The following RAP1GAP2 variants were observed in gnomAD, a reference collection of about 807,000 sequenced individuals.
The protein encoded by RAP1GAP2 is RAP1 GTPase activating protein 2.
In RAP1GAP2, 27 loss-of-function variants were observed where a neutral mutation model predicts 95.0. That is an observed-to-expected ratio of 0.28 (90% CI 0.21 to 0.39). The LOEUF (loss-of-function observed/expected upper bound fraction) is 0.39. Ranked by LOEUF, RAP1GAP2 falls within the 10% of genes least tolerant of loss-of-function variation. RAP1GAP2 has a pLI of 1.00. For missense variants in RAP1GAP2, 771 were observed against 970.0 expected (o/e 0.79, Z 2.72); for synonymous variants, 373 against 380.9 (o/e 0.98, Z 0.24).
At chr17:2,794,407 C>A (rs573599365), upstream of RAP1GAP2, among the ~76,000 whole-genome samples, 22 of 152,328 alleles carry the variant, frequency 1.4e-4, no homozygotes, top group African/African-American at 5.1e-4. Context: ...ACCTGTTGAG[C>A]ACTTCCTGGG....
intron 2 of RAP1GAP2, among the ~76,000 whole-genome samples, chr17:2,893,102 A>C (rs561782297): frequency 6.6e-6 from 1 of 151,450 alleles, no homozygotes; most frequent in African/African-American, 2.4e-5. Flanking sequence ...ATCTTGGCTC[A>C]CTGCAACCTC....
intron 2 of RAP1GAP2, among the ~76,000 whole-genome samples, chr17:2,811,255 A>G (rs2049186027): frequency 6.6e-6 from 1 of 152,158 alleles, no homozygotes; most frequent in African/African-American, 2.4e-5. Context: ...AGCCCCATGG[A>G]CACGAGGATG....
intron 1 of RAP1GAP2, among the ~76,000 whole-genome samples, chr17:2,761,813 G>C (rs1444596640): frequency 6.6e-6 from 1 of 151,918 alleles, no homozygotes; most frequent in Non-Finnish European, 1.5e-5. Flanking sequence ...GTGTACGAAG[G>C]TTCCGGTTTT....
At chr17:3,025,847 G>A (rs2047092160) in intron 19 of RAP1GAP2, among the ~76,000 whole-genome samples, 161 bp from the exon 20 acceptor site, 1 of 152,206 alleles carries the variant, frequency 6.6e-6, no homozygotes, top group Non-Finnish European at 1.5e-5. Context: ...CCATCTCTGG[G>A]GGGCTCAGGT....
chr17:2,888,228 A>G (rs1256514849), intron 2 of RAP1GAP2, among the ~76,000 whole-genome samples: 2 of 152,210 alleles, frequency 1.3e-5, no homozygotes, highest in Non-Finnish European at 2.9e-5. Flanking sequence ...AAATCAAGGT[A>G]ATTAGCATAT....
chr17:3,030,966 T>G lies in RAP1GAP2; in HGVS notation c.2152T>G (p.Phe718Val), dbSNP rs2047271176. ...NSPRSNLKFR[F>V]DKLSHASSGA... ...CCCGAGATCGAACCTGAAATTCCGC[T>G]TTGACAAGCTCAGCCATGCCAGCTC... Residue 718 changes from phenylalanine (F) to valine (V), a missense_variant, in exon 23 of 25, where the codon TTT becomes GTT. Coordinates refer to ENST00000254695, the MANE Select transcript of RAP1GAP2 (RefSeq NM_015085.5). 6.2e-7 allele frequency: 1 copy of G among 1,610,820 alleles called. No homozygotes were observed. The highest frequency in any genetic ancestry group is 8.5e-7 in the Non-Finnish European group (1 of 1,178,766).
intron 1 of RAP1GAP2, among the ~76,000 whole-genome samples, chr17:2,763,699 A>AT (rs2068226145): frequency 6.6e-6 from 1 of 151,726 alleles, no homozygotes. Flanking sequence ...CTGTCTCAAA[A>AT]CAAAAAAAGA....
Position 3,002,092 on chromosome 17 carries a change from AG to A in RAP1GAP2, c.1201-3275del, listed in dbSNP as rs569644318. ...ATTCTCCTGCCTCAGCCTCCTGAGT[AG>A]GTGGGATTACAGGCACCCACCACCA... On this transcript the variant is annotated intron_variant, in intron 14 of 24. Transcript: ENST00000254695. 1.6e-3 allele frequency among the ~76,000 whole-genome samples: 249 copies of A among 151,776 alleles called. 1 individual carries two copies. Among genetic ancestry groups the A allele is most frequent in the African/African-American group, 5.9e-3 (242 of 41,360 alleles).
At chr17:2,793,340 G>A (rs2068979031), upstream of RAP1GAP2, among the ~76,000 whole-genome samples, 1 of 152,170 alleles carries the variant, frequency 6.6e-6, no homozygotes, top group Non-Finnish European at 1.5e-5. Context: ...TTTTAGTAAA[G>A]ACAGGGTTTC....
chr17:2,861,866 G>A (rs1250746126), intron 2 of RAP1GAP2, among the ~76,000 whole-genome samples: 2 of 152,132 alleles, frequency 1.3e-5, no homozygotes, highest in Admixed American at 6.6e-5. Flanking sequence ...ATGTTGGCCA[G>A]GCTGCTCTCG....
In RAP1GAP2 at chr17:2,871,256, A is replaced by G. The variant is rs912056437; in HGVS notation, c.81-34028A>G. On this transcript the variant is annotated intron_variant, in intron 2 of 24. Transcript: ENST00000254695. This position sits in a 1 kb window ranked among gnomAD's most constrained non-coding sequence, Gnocchi z 5.0. Reference sequence around the variant, plus strand: ...CAGGCATGAGCCACTGCGCCCAGCCAAGGGCTAAACATTTTAATGGCTGAA... The same window carrying G: ...CAGGCATGAGCCACTGCGCCCAGCCGAGGGCTAAACATTTTAATGGCTGAA... Among the ~76,000 whole-genome samples the G allele has an allele frequency of 6.6e-6, 1 of 152,188 alleles. No individual in the cohort carries two copies. The highest frequency in any genetic ancestry group is 6.6e-5 in the Admixed American group (1 of 15,264).
rs374919958 is a variant in RAP1GAP2 at position 2,963,533 on chromosome 17, C to T, written c.279+71C>T. ...GGTCCCGTCCCTGGGGAAATGATGG[C>T]GATGGCCTGTGCCCAGCCCCCCAGG... On this transcript the variant is annotated intron_variant, in intron 6 of 24. Coordinates refer to ENST00000254695, the MANE Select transcript of RAP1GAP2 (RefSeq NM_015085.5). This position sits in a 1 kb window ranked among gnomAD's most constrained non-coding sequence, Gnocchi z 4.8. 5.8e-5 allele frequency: 92 copies of T among 1,590,858 alleles called. No homozygotes were observed. The African/African-American group carries it at 6.2e-4, about 11-fold the overall frequency.
intron 2 of RAP1GAP2, among the ~76,000 whole-genome samples, chr17:2,831,716 G>A (rs1415309880): frequency 6.6e-6 from 1 of 151,810 alleles, no homozygotes; most frequent in Non-Finnish European, 1.5e-5. Flanking sequence ...GGGGCAGCAT[G>A]ACAAAACCTC....
chr17:2,990,025 C>T (rs184368848), intron 11 of RAP1GAP2, among the ~76,000 whole-genome samples: 174 of 152,242 alleles, frequency 1.1e-3, no homozygotes, highest in Middle Eastern at 6.8e-3. Flanking sequence ...TTTCACTCAG[C>T]GTAATATTTT....
chr17:2,757,550 G>A (rs577192778), intron 1 of RAP1GAP2, among the ~76,000 whole-genome samples: 1 of 152,268 alleles, frequency 6.6e-6, no homozygotes, highest in Non-Finnish European at 1.5e-5. Context: ...ACCTAGGTCA[G>A]GTCAGTGACA....
rs373509440 is a variant in RAP1GAP2, at chr17:3,031,441, T to A, written c.2184+443T>A. ...GGTCCCCCAGTCCCTTCCTGAGCTC[T>A]CCAGACTATCGAGAGCTCCAGGTCC... On this transcript the variant is annotated intron_variant, in intron 23 of 24. Coordinates refer to ENST00000254695, the MANE Select transcript of RAP1GAP2 (RefSeq NM_015085.5). Among the ~76,000 whole-genome samples the A allele has an allele frequency of 9.9e-4, 144 of 144,848 alleles. No homozygotes were observed. The East Asian group carries it at 0.013, about 13-fold the overall frequency.
chr17:2,989,309 G>T (rs545149385), intron 11 of RAP1GAP2, among the ~76,000 whole-genome samples: 1 of 152,204 alleles, frequency 6.6e-6, no homozygotes, highest in Admixed American at 6.5e-5. Flanking sequence ...TTTGCCATCT[G>T]TATATCCTCT....
At chr17:2,988,731 C>T (rs1567861792) in intron 11 of RAP1GAP2, among the ~76,000 whole-genome samples, 4 of 152,288 alleles carry the variant, frequency 2.6e-5, no homozygotes, top group Admixed American at 2.0e-4. Context: ...TAGGAATACA[C>T]CTGCTGAGTT....
At chr17:2,794,608 G>A (rs949535002), upstream of RAP1GAP2, among the ~76,000 whole-genome samples, 1 of 152,194 alleles carries the variant, frequency 6.6e-6, no homozygotes, top group African/African-American at 2.4e-5. Context: ...TAGAGAGTCA[G>A]CCCCCAGCCC....
Sources: allele counts gnomAD v4.1 joint callset (sites outside exome capture counted in the v4.1 genomes callset), GRCh38; gene constraint gnomAD v4.1.1; non-coding constraint Gnocchi (gnomAD v3.1); transcripts MANE v1.5; gene names NCBI Gene and HGNC (gene_info 2026-07-23, HGNC 2026-07-21).